The following SHF variants were observed in gnomAD, a reference collection of about 807,000 sequenced individuals.
SHF encodes Src homology 2 domain containing F, also known as SH2 domain-containing adapter protein F.
In SHF, 30 loss-of-function variants were observed where a neutral mutation model predicts 42.4. The observed-to-expected ratio is 0.71, with a 90% CI of 0.53 to 0.96. The LOEUF is 0.96. Ranked by LOEUF, SHF falls within the 40% of genes least tolerant of loss-of-function variation. The probability of loss-of-function intolerance (pLI) is 0.00; values close to 1 mark genes in which losing one functional copy is unlikely to be tolerated. For missense variants in SHF, 598 were observed against 634.0 expected (o/e 0.94, Z 0.61); for synonymous variants, 264 against 269.9 (o/e 0.98, Z 0.21).
intron 2 of SHF, among the ~76,000 whole-genome samples, chr15:45,194,770 T>G (rs1898816020): frequency 6.6e-6 from 1 of 152,240 alleles, no homozygotes; most frequent in South Asian, 2.1e-4. Flanking sequence ...AGTCATTTCT[T>G]GAAAGAAACC....
chr15:45,200,091 C>T (rs1211859122), intron 1 of SHF: 1 of 152,206 alleles, frequency 6.6e-6, no homozygotes, highest in African/African-American at 2.4e-5. Context: ...CTACCTTGAT[C>T]CTCACTTCCT....
Position 45,187,883 on chromosome 15 carries a change from G to A in SHF, c.69C>T (p.Gly23=). Reference sequence around the variant, plus strand: ...CGCCCCGGCGGGACCCCCCCGGGCCGCCCCCAGCGCTCCCCTGCGTTCGCG... The same window carrying A: ...CGCCCCGGCGGGACCCCCCCGGGCCACCCCCAGCGCTCCCCTGCGTTCGCG... ...PGPRTQGSAG[G]GPGGSRRGAG... Residue 23 remains glycine, a synonymous_variant, in exon 1 of 7, where the codon GGC becomes GGT. Transcript: ENST00000690270. 1 of 1,170,040 alleles carries A rather than the reference G, an allele frequency of 8.5e-7. No homozygotes were observed. The highest frequency in any genetic ancestry group is 1.1e-6 in the Non-Finnish European group (1 of 945,510). The allele number at this position is 1,170,040 out of a possible 1,614,324, so 72.5% of individuals were successfully genotyped here. A position where few individuals can be genotyped will look rare whatever the true frequency, so the allele number is the denominator to read the frequency against.
intron 2 of SHF, among the ~76,000 whole-genome samples, chr15:45,193,686 T>G (rs1309097856): frequency 6.6e-6 from 1 of 152,196 alleles, no homozygotes; most frequent in African/African-American, 2.4e-5. Flanking sequence ...TCTTTGTAGC[T>G]ATCTTATTTA....
At chr15:45,192,848 A>G (rs117464684), upstream of SHF, among the ~76,000 whole-genome samples, 56 of 152,314 alleles carry the variant, frequency 3.7e-4, no homozygotes, top group Non-Finnish European at 4.6e-4. Context: ...GGACTTTTCC[A>G]TAGTTTCTTC....
intron 1 of SHF, among the ~76,000 whole-genome samples, chr15:45,179,088 C>G (rs779382138): frequency 2.0e-5 from 3 of 152,238 alleles, no homozygotes; most frequent in Non-Finnish European, 4.4e-5. Context: ...AAGGGCGCTT[C>G]CAGATGGTGA....
chr15:45,172,159 A>C lies in SHF; in HGVS notation c.1148T>G (p.Leu383Arg), dbSNP rs764904243. ...LGEWTDPALPLENQVWYHGAI... is the reference protein window; with the variant it reads ...LGEWTDPALPRENQVWYHGAI... ...CACAGACACTCACACCTGGTTTTCC[A>C]GAGGCAGTGCTGGATCTGTCCACTC... Residue 383 changes from leucine (L) to arginine (R), a missense_variant, in exon 5 of 7, where the codon CTG (leucine) becomes CGG (arginine). By Grantham distance (102) the Leu-to-Arg change is moderately radical. Around this residue, in one of 2 missense-constraint regions of SHF, gnomAD observed 439 missense variants for 524.6 expected, o/e 0.84. Transcript: ENST00000690270. 1 of 1,613,896 alleles carries C rather than the reference A, an allele frequency of 6.2e-7. No homozygotes were observed. Among genetic ancestry groups the C allele is most frequent in the South Asian group, 1.1e-5 (1 of 91,076 alleles).
At chr15:45,198,721 T>C (rs989558089) in intron 2 of SHF, 10 of 1,564,634 alleles carry the variant, frequency 6.4e-6, no homozygotes, top group Non-Finnish European at 7.8e-6. Context: ...ATTATCCTCT[T>C]CAACAGTCAT....
Position 45,187,943 on chromosome 15 carries a change from C to T in SHF, c.9G>A (p.Leu3=). Residue 3 remains leucine (L), a synonymous_variant, in exon 1 of 7, where the codon CTG becomes CTA. Transcript: ENST00000690270. ML[L]SGAPPAGSRP... ...GGGAGCCAGCCGGAGGAGCTCCGCTCAGTAACATGGGGCCAGCCAGACTGA... is the reference window on the plus strand; with the variant it reads ...GGGAGCCAGCCGGAGGAGCTCCGCTTAGTAACATGGGGCCAGCCAGACTGA... 5 of 1,167,404 alleles carry T rather than the reference C, an allele frequency of 4.3e-6. No homozygotes were observed. Among genetic ancestry groups the T allele is most frequent in the Non-Finnish European group, 5.3e-6 (5 of 947,010 alleles). The allele number at this position is 1,167,404 out of a possible 1,614,324, so 72.3% of individuals were successfully genotyped here. A position where few individuals can be genotyped will look rare whatever the true frequency, so the allele number is the denominator to read the frequency against.
chr15:45,196,391 G>A (rs950260839), intron 2 of SHF, among the ~76,000 whole-genome samples: 5 of 152,132 alleles, frequency 3.3e-5, no homozygotes, highest in Non-Finnish European at 5.9e-5. Context: ...ACTGTGCCTG[G>A]CTGACTTCCT....
chr15:45,193,761 C>T (rs777589330), intron 2 of SHF, among the ~76,000 whole-genome samples: 42 of 152,070 alleles, frequency 2.8e-4, no homozygotes, highest in Non-Finnish European at 5.0e-4. Flanking sequence ...GAGGCCGAGG[C>T]GAGTGGCCTT....
At chr15:45,192,554 G>A (rs1898738657), upstream of SHF, among the ~76,000 whole-genome samples, 1 of 151,874 alleles carries the variant, frequency 6.6e-6, no homozygotes, top group African/African-American at 2.4e-5. Flanking sequence ...TGTATTTTCA[G>A]TAGAGATGGG....
intron 1 of SHF, among the ~76,000 whole-genome samples, chr15:45,179,258 T>C (rs1453982531): frequency 6.6e-6 from 1 of 152,260 alleles, no homozygotes; most frequent in Non-Finnish European, 1.5e-5. Context: ...TCCAGGACCA[T>C]TCTACGTAAG....
chr15:45,186,914 G>A (rs182206888), intron 1 of SHF, among the ~76,000 whole-genome samples: 31 of 152,346 alleles, frequency 2.0e-4, no homozygotes, highest in African/African-American at 7.2e-4. Flanking sequence ...GGAGAAACCC[G>A]TCTTCACCTC....
chr15:45,195,493 T>G (rs1475461656), intron 2 of SHF, among the ~76,000 whole-genome samples: 2 of 152,226 alleles, frequency 1.3e-5, no homozygotes, highest in African/African-American at 4.8e-5. Flanking sequence ...CTTGAAAACT[T>G]CTTCTAAACT....
exon 1 of SHF, chr15:45,200,982 G>T (rs1191203491): frequency 5.0e-6 from 2 of 397,450 alleles, no homozygotes; most frequent in African/African-American, 4.2e-5. Context: ...ACAGCCAAGA[G>T]GAGACTTCGG....
At chr15:45,197,913 TA>T (rs1898917259) in intron 2 of SHF, among the ~76,000 whole-genome samples, 1 of 151,924 alleles carries the variant, frequency 6.6e-6, no homozygotes, top group Non-Finnish European at 1.5e-5. Context: ...TTCACATACG[TA>T]TATGCATATA....
chr15:45,187,943 C>G lies in SHF; in HGVS notation c.9G>C (p.Leu3=), dbSNP rs1898553642. 3.4e-6 allele frequency: 4 copies of G among 1,167,404 alleles called. No homozygotes were observed. Among genetic ancestry groups the G allele is most frequent in the Non-Finnish European group, 4.2e-6 (4 of 947,010 alleles). 72.3% of individuals were successfully genotyped at this position (1,167,404 alleles called of 1,614,324 possible). Reference sequence around the variant, plus strand: ...GGGAGCCAGCCGGAGGAGCTCCGCTCAGTAACATGGGGCCAGCCAGACTGA... The same window carrying G: ...GGGAGCCAGCCGGAGGAGCTCCGCTGAGTAACATGGGGCCAGCCAGACTGA... The part of the protein sequence containing the change: ML[L]SGAPPAGSRP... The change falls in exon 1 of 7, where the codon CTG becomes CTC. Residue 3 remains leucine (L), a synonymous_variant. Coordinates refer to ENST00000690270, the MANE Select transcript of SHF (RefSeq NM_001394037.1).
At chr15:45,170,788 ATTACCAGTGC>A (rs1316269658) in intron 6 of SHF, 1 of 231,390 alleles carries the variant, frequency 4.3e-6, no homozygotes, top group East Asian at 1.3e-4. Context: ...AGTAGCTGGC[ATTACCAGTGC>A]TCACCATCAC....
chr15:45,179,455 A>G (rs1898004175), intron 1 of SHF, among the ~76,000 whole-genome samples: 1 of 141,200 alleles, frequency 7.1e-6, no homozygotes, highest in African/African-American at 2.7e-5. Context: ...TTGGCCCTTC[A>G]CTTCCTACGC....
Sources: allele counts gnomAD v4.1 joint callset (sites outside exome capture counted in the v4.1 genomes callset), GRCh38; gene constraint gnomAD v4.1.1; regional missense constraint gnomAD v4.1.1; transcripts MANE v1.5; gene names NCBI Gene and HGNC (gene_info 2026-07-23, HGNC 2026-07-21).